ADGRL2: variants seen among roughly 807,000 people sequenced by gnomAD.
The protein encoded by ADGRL2 is calcium-independent alpha-latrotoxin receptor 2.
In ADGRL2, 44 loss-of-function variants were observed where a neutral mutation model predicts 157.4. The observed-to-expected ratio is 0.28, with a 90% CI of 0.22 to 0.36. The LOEUF (loss-of-function observed/expected upper bound fraction) is 0.36. ADGRL2 is among the 10% of genes least tolerant of loss of function. The probability of loss-of-function intolerance (pLI) is 1.00; values close to 1 mark genes in which losing one functional copy is unlikely to be tolerated. For synonymous variants in ADGRL2, 585 were observed against 624.7 expected (o/e 0.94, Z 0.95); for missense variants, 1,510 against 1,768.9 (o/e 0.85, Z 2.63).
intron 1 of ADGRL2, among the ~76,000 whole-genome samples, chr1:81,400,712 T>G (rs1443758415): frequency 3.9e-5 from 6 of 152,100 alleles, no homozygotes; most frequent in African/African-American, 1.4e-4. Context: ...CCAGAATGGC[T>G]GGACACAGCT....
chr1:81,523,998 A>T, intron 2 of ADGRL2, among the ~76,000 whole-genome samples: 1 of 150,782 alleles, frequency 6.6e-6, no homozygotes, highest in East Asian at 2.0e-4. Context: ...CCGGGAGGTG[A>T]AGGTTGCAGT....
chr1:81,782,692 G>T (rs561543277), intron 2 of ADGRL2, among the ~76,000 whole-genome samples: 47 of 152,166 alleles, frequency 3.1e-4, no homozygotes, highest in Non-Finnish European at 5.9e-4. Context: ...CAGAGATTTT[G>T]ATATCCTCCT....
At chr1:81,781,899 T>C (rs563137139) in intron 2 of ADGRL2, among the ~76,000 whole-genome samples, 1 of 152,306 alleles carries the variant, frequency 6.6e-6, no homozygotes, top group South Asian at 2.1e-4. Context: ...TTTGCACATA[T>C]AGGCTCTCCC....
intron 1 of ADGRL2, among the ~76,000 whole-genome samples, chr1:81,715,030 T>C (rs751445492): frequency 6.6e-6 from 1 of 152,090 alleles, no homozygotes; most frequent in Non-Finnish European, 1.5e-5. Context: ...TTTTCTGCTC[T>C]AATTTTTTCT....
At chr1:81,951,195 G>T (rs1485029485) in intron 8 of ADGRL2, 74 bp downstream of exon 8, 1 of 1,055,594 alleles carries the variant, frequency 9.5e-7, no homozygotes, top group Non-Finnish European at 1.5e-6. Flanking sequence ...ATTTAGCTTT[G>T]TGTGTTAAAA....
At chr1:81,889,217 G>A (rs1260051932) in intron 2 of ADGRL2, among the ~76,000 whole-genome samples, 5 of 152,220 alleles carry the variant, frequency 3.3e-5, no homozygotes, top group Non-Finnish European at 7.3e-5. Context: ...AGTGAGGAAG[G>A]CATATCAAAA....
chr1:81,427,678 T>A, intron 1 of ADGRL2: 1 of 486,222 alleles, frequency 2.1e-6, no homozygotes, highest in Admixed American at 3.3e-5. Flanking sequence ...AAGCTGGAGG[T>A]TACTTTGAGA....
chr1:81,779,996 C>G (rs2086748341), intron 2 of ADGRL2, among the ~76,000 whole-genome samples: 1 of 152,204 alleles, frequency 6.6e-6, no homozygotes, highest in Non-Finnish European at 1.5e-5. Context: ...TCTGCCAACA[C>G]ATCTGAGGTC....
rs4558018 is a variant in ADGRL2 at position 81,346,975 on chromosome 1, A to G, written c.-302+40466A>G. On this transcript the variant is annotated intron_variant, in intron 1 of 24. Coordinates refer to the ADGRL2 transcript ENST00000370721. ...AAAGCCTAGATTTCCCTGAAGCTAC[A>G]TTAGATATACAGACGTTAACACAAT... is the stretch of plus-strand genomic sequence containing the variant. 1.3e-3 allele frequency among the ~76,000 whole-genome samples: 204 copies of G among 152,318 alleles called. 3 individuals are homozygous for G. The East Asian group carries it at 0.034, about 25-fold the overall frequency.
intron 2 of ADGRL2, among the ~76,000 whole-genome samples, chr1:81,517,165 G>A (rs2079197020): frequency 6.6e-6 from 1 of 151,942 alleles, no homozygotes; most frequent in African/African-American, 2.4e-5. Context: ...CTTGTTAGTG[G>A]TTATTGGTTG....
intron 2 of ADGRL2, among the ~76,000 whole-genome samples, chr1:81,530,060 G>C (rs924562450): frequency 6.6e-6 from 1 of 152,268 alleles, no homozygotes; most frequent in East Asian, 1.9e-4. Flanking sequence ...TGAATGCCAG[G>C]AACAGTGTTG....
At chr1:81,816,358 G>A (rs1272806456) in intron 1 of ADGRL2, among the ~76,000 whole-genome samples, 1 of 151,568 alleles carries the variant, frequency 6.6e-6, no homozygotes, top group African/African-American at 2.4e-5. Context: ...AGACATTTTT[G>A]CACTATTCTT....
intron 1 of ADGRL2, among the ~76,000 whole-genome samples, chr1:81,379,268 G>C (rs561295864): frequency 1.5e-3 from 221 of 152,268 alleles, no homozygotes; most frequent in Non-Finnish European, 2.6e-3. Context: ...GCATACAGAC[G>C]GGCAGGCTGT....
At chr1:81,386,737 TG>T (rs1463079928) in intron 1 of ADGRL2, among the ~76,000 whole-genome samples, 1 of 152,230 alleles carries the variant, frequency 6.6e-6, no homozygotes, top group Non-Finnish European at 1.5e-5. Flanking sequence ...TAGCTCTTGC[TG>T]CCATTCTCAT....
rs888509298 is a variant in ADGRL2, at chr1:81,321,156, T to G, written c.-302+14647T>G. ...ACCTCATAAGCCAACCTCTGATAGT[T>G]TCAAACTTTTCTTCTGAAGCTTTAT... On this transcript the variant is annotated intron_variant, in intron 1 of 24. Coordinates refer to the ADGRL2 transcript ENST00000370721. 2.0e-5 allele frequency among the ~76,000 whole-genome samples: 3 copies of G among 152,210 alleles called. No individual in the cohort carries two copies. In the East Asian group the frequency reaches 5.8e-4, roughly 29 times the overall value.
At chr1:81,710,635 AAAAAAAAAAGAAC>A (rs1329623337) in intron 1 of ADGRL2, among the ~76,000 whole-genome samples, 2 of 151,352 alleles carry the variant, frequency 1.3e-5, no homozygotes, top group East Asian at 3.9e-4. Context: ...TTAAAAAAAA[AAAAAAAAAAGAAC>A]TTTTATTTTT....
At chr1:81,622,357 C>A (rs541384091) in intron 3 of ADGRL2, among the ~76,000 whole-genome samples, 9 of 150,998 alleles carry the variant, frequency 6.0e-5, no homozygotes, top group Non-Finnish European at 1.2e-4. Flanking sequence ...CCGAGGCTGG[C>A]GGATCACAAG....
intron 3 of ADGRL2, among the ~76,000 whole-genome samples, chr1:81,677,436 T>C (rs1461417535): frequency 6.6e-6 from 1 of 152,162 alleles, no homozygotes; most frequent in Non-Finnish European, 1.5e-5. Context: ...TATGGTAAGA[T>C]TCGAATAAAC....
At chr1:81,541,589 C>T (rs955212548) in intron 2 of ADGRL2, among the ~76,000 whole-genome samples, 2 of 152,014 alleles carry the variant, frequency 1.3e-5, no homozygotes, top group African/African-American at 4.8e-5. Context: ...GATTAAATTT[C>T]AAATAAGAAA....
Sources: gnomAD v4.1 joint callset for allele counts (sites outside exome capture counted in the v4.1 genomes callset) on GRCh38, gnomAD v4.1.1 for gene constraint, MANE v1.5 for transcripts, NCBI Gene and HGNC (gene_info 2026-07-23, HGNC 2026-07-21) for gene names.